DCC: variants seen among roughly 807,000 people sequenced by gnomAD.
DCC encodes DCC netrin 1 receptor.
A neutral mutation model predicts 172.5 loss-of-function variants in DCC; 58 were observed. That is an observed-to-expected ratio of 0.34 (90% CI 0.27 to 0.42). DCC has a LOEUF of 0.42. Ranked by LOEUF, DCC falls within the 10% of genes least tolerant of loss-of-function variation. The probability of loss-of-function intolerance (pLI) is 1.00; values close to 1 mark genes in which losing one functional copy is unlikely to be tolerated. For missense variants in DCC, 1,740 were observed against 1,791.0 expected (o/e 0.97, Z 0.51); for synonymous variants, 709 against 644.5 (o/e 1.10, Z -1.52).
chr18:53,442,243 C>A (rs752343232), intron 22 of DCC, among the ~76,000 whole-genome samples: 1 of 152,194 alleles, frequency 6.6e-6, no homozygotes, highest in African/African-American at 2.4e-5. Flanking sequence ...CTTGTGCTAA[C>A]CCTGCATTGT....
At chr18:52,575,605 T>G (rs1273543851) in intron 1 of DCC, among the ~76,000 whole-genome samples, 1 of 152,142 alleles carries the variant, frequency 6.6e-6, no homozygotes, top group African/African-American at 2.4e-5. Context: ...CTTAGTTGTT[T>G]TTTTCCTACC....
At chr18:52,988,176 G>A (rs1476456369) in intron 5 of DCC, among the ~76,000 whole-genome samples, 3 of 151,992 alleles carry the variant, frequency 2.0e-5, no homozygotes. Flanking sequence ...TGTGTGTTTA[G>A]CACATTTTTA....
At chr18:52,721,061 G>T (rs2036466526) in intron 1 of DCC, among the ~76,000 whole-genome samples, 1 of 152,176 alleles carries the variant, frequency 6.6e-6, no homozygotes, top group Admixed American at 6.5e-5. Context: ...GATGTGCAGT[G>T]TATGATCCCT....
At chr18:52,462,076 C>G (rs777598740) in intron 1 of DCC, among the ~76,000 whole-genome samples, 1 of 151,970 alleles carries the variant, frequency 6.6e-6, no homozygotes, top group Non-Finnish European at 1.5e-5. Flanking sequence ...ATCCTTTGGC[C>G]GCACCTTCAA....
At chr18:52,706,545 T>A (rs770371350) in intron 1 of DCC, among the ~76,000 whole-genome samples, 1 of 152,222 alleles carries the variant, frequency 6.6e-6, no homozygotes, top group Non-Finnish European at 1.5e-5. Flanking sequence ...TCTTCTCCCA[T>A]TTCCAAGTTC....
At chr18:52,359,922 C>A (rs1984545563) in intron 1 of DCC, among the ~76,000 whole-genome samples, 1 of 152,098 alleles carries the variant, frequency 6.6e-6, no homozygotes, top group Non-Finnish European at 1.5e-5. Context: ...TTTTTCCATG[C>A]CTCCATGCTA....
intron 3 of DCC, among the ~76,000 whole-genome samples, chr18:52,916,776 C>G (rs1378572828): frequency 6.6e-6 from 1 of 152,028 alleles, no homozygotes. Flanking sequence ...CTCCCTTTTC[C>G]AACTACATGT....
chr18:52,759,531 A>G (rs2037126836), intron 2 of DCC, among the ~76,000 whole-genome samples: 1 of 152,120 alleles, frequency 6.6e-6, no homozygotes, highest in Non-Finnish European at 1.5e-5. Context: ...CTTTTATTCA[A>G]CTCTTAAGCT....
At position 53,019,570 on chromosome 18, in the gene DCC, C is replaced by A. The variant is rs989134567; in HGVS notation, c.986-43735C>A. Among the ~76,000 whole-genome samples, 4 of 152,184 alleles carry A rather than the reference C, an allele frequency of 2.6e-5. No individual in the cohort carries two copies. The East Asian group carries it at 7.7e-4, about 29-fold the overall frequency. On this transcript the variant is annotated intron_variant, in intron 5 of 28. Coordinates refer to ENST00000442544, the MANE Select transcript of DCC (RefSeq NM_005215.4). Reference sequence around the variant, plus strand: ...TTCTGCCACCTCACTTATCCTTAAGCCTTCCCACTTCCTTTTCATAAAATA... The same window carrying A: ...TTCTGCCACCTCACTTATCCTTAAGACTTCCCACTTCCTTTTCATAAAATA...
chr18:52,356,933 C>T (rs1289100843), intron 1 of DCC, among the ~76,000 whole-genome samples: 1 of 152,122 alleles, frequency 6.6e-6, no homozygotes, highest in African/African-American at 2.4e-5. Context: ...CAGGTGCCTA[C>T]CACCACACCT....
intron 7 of DCC, among the ~76,000 whole-genome samples, chr18:53,085,625 A>G (rs1248946957): frequency 1.3e-5 from 2 of 152,076 alleles, no homozygotes; most frequent in Admixed American, 6.6e-5. Context: ...AAAACATAGA[A>G]CATGCTATGT....
At chr18:52,982,825 G>A (rs74400679) in intron 5 of DCC, among the ~76,000 whole-genome samples, 2 of 152,256 alleles carry the variant, frequency 1.3e-5, no homozygotes, top group East Asian at 1.9e-4. Flanking sequence ...AGCTTTATGA[G>A]GACTGTAGGC....
intron 2 of DCC, among the ~76,000 whole-genome samples, chr18:52,878,123 C>T (rs1019885237): frequency 6.6e-6 from 1 of 152,128 alleles, no homozygotes; most frequent in Non-Finnish European, 1.5e-5. Context: ...ACGTTCCTCT[C>T]TCATCTGCTT....
chr18:53,469,479 T>G (rs1460406800), intron 25 of DCC, among the ~76,000 whole-genome samples: 1 of 152,196 alleles, frequency 6.6e-6, no homozygotes, highest in Non-Finnish European at 1.5e-5. Flanking sequence ...TCTTTCCCTA[T>G]TCTTAGCTAA....
At chr18:53,165,299 A>T (rs2144421314) in intron 8 of DCC, among the ~76,000 whole-genome samples, 1 of 152,272 alleles carries the variant, frequency 6.6e-6, no homozygotes, top group East Asian at 1.9e-4. Flanking sequence ...TGCCTCAGAA[A>T]ACCTCTGCTC....
At chr18:52,895,522 G>A (rs1360886577) in intron 2 of DCC, among the ~76,000 whole-genome samples, 1 of 151,934 alleles carries the variant, frequency 6.6e-6, no homozygotes. Flanking sequence ...GTTTCCTTTT[G>A]TATTTTTAAA....
chr18:52,740,059 A>G (rs2036795088), intron 1 of DCC, among the ~76,000 whole-genome samples: 2 of 152,144 alleles, frequency 1.3e-5, no homozygotes, highest in African/African-American at 2.4e-5. Context: ...TTCATCTTTC[A>G]GTTTCCTTCA....
At chr18:52,406,096 T>G (rs1281395668) in intron 1 of DCC, among the ~76,000 whole-genome samples, 2 of 144,204 alleles carry the variant, frequency 1.4e-5, no homozygotes, top group South Asian at 2.3e-4. Context: ...TAATAAATGG[T>G]GCTGGGAAAA....
At chr18:52,668,749 A>T (rs1360817205) in intron 1 of DCC, among the ~76,000 whole-genome samples, 1 of 152,202 alleles carries the variant, frequency 6.6e-6, no homozygotes, top group African/African-American at 2.4e-5. Flanking sequence ...GTTCCTACTG[A>T]AAGTTGATGT....
Sources: gnomAD v4.1 joint callset for allele counts (sites outside exome capture counted in the v4.1 genomes callset) on GRCh38, gnomAD v4.1.1 for gene constraint, MANE v1.5 for transcripts, NCBI Gene and HGNC (gene_info 2026-07-23, HGNC 2026-07-21) for gene names.